FOXO1: variants seen among roughly 807,000 people sequenced by gnomAD.
FOXO1 encodes the protein forkhead box O1.
In FOXO1, 6 loss-of-function variants were observed where a neutral mutation model predicts 44.1. The observed-to-expected ratio is 0.14, with a 90% CI of 0.07 to 0.27. FOXO1 has a LOEUF of 0.27. FOXO1 is among the 10% of genes least tolerant of loss of function. The pLI, the probability that FOXO1 is intolerant of heterozygous loss-of-function variation, is 1.00. For missense variants in FOXO1, 737 were observed against 888.8 expected, an observed-to-expected ratio of 0.83 and a Z score of 2.17; for synonymous variants, 380 against 362.7, an observed-to-expected ratio of 1.05 and a Z score of -0.54.
At chr13:40,630,996 A>T (rs1167232059) in intron 1 of FOXO1, among the ~76,000 whole-genome samples, 1 of 152,206 alleles carries the variant, frequency 6.6e-6, no homozygotes, top group Admixed American at 6.5e-5. Context: ...TCCACCTAAC[A>T]TAAATTATGT....
At chr13:40,645,190 G>A (rs1343147986) in intron 1 of FOXO1, among the ~76,000 whole-genome samples, 2 of 152,196 alleles carry the variant, frequency 1.3e-5, no homozygotes, top group African/African-American at 2.4e-5. Context: ...TTGGGTAGGT[G>A]CAGTTTCAGT....
chr13:40,655,640 T>C (rs1012606715), intron 1 of FOXO1, among the ~76,000 whole-genome samples: 6 of 141,976 alleles, frequency 4.2e-5, no homozygotes, highest in Non-Finnish European at 7.7e-5. Context: ...TACACTTCTT[T>C]TTTTTTTTTT....
chr13:40,637,714 T>C (rs576673713), intron 1 of FOXO1, among the ~76,000 whole-genome samples: 34 of 152,334 alleles, frequency 2.2e-4, no homozygotes, highest in Admixed American at 6.5e-4. Flanking sequence ...ACTATTTACA[T>C]TCTTCACACG....
intron 1 of FOXO1, among the ~76,000 whole-genome samples, chr13:40,605,110 A>G (rs762617256): frequency 8.6e-4 from 131 of 151,824 alleles, no homozygotes; most frequent in African/African-American, 2.9e-3. Context: ...GATATATATA[A>G]AATACATATA....
intron 1 of FOXO1, among the ~76,000 whole-genome samples, chr13:40,584,469 CAAAAAAAA>C (rs55733141): frequency 4.8e-5 from 3 of 63,112 alleles, no homozygotes; most frequent in East Asian, 6.6e-4. Flanking sequence ...ACAAAAAATG[CAAAAAAAA>C]AAAAAAAAAA....
At chr13:40,617,028 G>C (rs1036122755) in intron 1 of FOXO1, among the ~76,000 whole-genome samples, 1 of 152,172 alleles carries the variant, frequency 6.6e-6, no homozygotes, top group Non-Finnish European at 1.5e-5. Context: ...CAAGTCACTC[G>C]AAATAGAAAT....
chr13:40,651,272 G>A lies in FOXO1; in HGVS notation c.630+14311C>T, dbSNP rs182601634. The stretch of plus-strand genomic sequence containing the variant: ...TCTGCTTCCTTTTTATAAAAAGTAC[G>A]TTCTAGGTACAGTTCAGAACACTGA... On this transcript the variant is annotated intron_variant, in intron 1 of 2. Transcript: ENST00000379561. 6.6e-3 allele frequency among the ~76,000 whole-genome samples: 999 copies of A among 152,078 alleles called. 15 individuals are homozygous for A. Among genetic ancestry groups the A allele is most frequent in the Admixed American group, 0.015 (231 of 15,262 alleles).
At chr13:40,637,847 T>C (rs1043996472) in intron 1 of FOXO1, among the ~76,000 whole-genome samples, 3 of 152,214 alleles carry the variant, frequency 2.0e-5, no homozygotes, top group Admixed American at 1.3e-4. Flanking sequence ...CTATACTGAC[T>C]TCCTCAGCAA....
At chr13:40,643,735 A>C (rs1425240078) in intron 1 of FOXO1, among the ~76,000 whole-genome samples, 1 of 150,866 alleles carries the variant, frequency 6.6e-6, no homozygotes, top group Non-Finnish European at 1.5e-5. Context: ...CCGTAATTTA[A>C]AAAAAAAAGA....
rs920623940 is a variant in FOXO1 at position 40,559,580 on chromosome 13, G to A, written c.1911C>T (p.Pro637=). ...TGACACTGTGTGGGAAGCTTTGGTT[G>A]GGCAACACATTGTCAAAGTTAAAAT... The part of the protein sequence containing the change: ...TLDFNFDNVL[P]NQSFPHSVKT... The change falls in exon 2 of 3, where the codon CCC becomes CCT. Residue 637 remains proline (P), a synonymous_variant. Transcript: ENST00000379561. 4 of 1,613,216 alleles carry A rather than the reference G, an allele frequency of 2.5e-6. No homozygotes were observed. Among genetic ancestry groups the A allele is most frequent in the African/African-American group, 1.3e-5 (1 of 74,920 alleles).
intron 1 of FOXO1, among the ~76,000 whole-genome samples, chr13:40,615,265 AG>A (rs1876380592): frequency 6.6e-6 from 1 of 152,162 alleles, no homozygotes; most frequent in Non-Finnish European, 1.5e-5. Context: ...GGCCAGACGC[AG>A]TGGCTCACGC....
At chr13:40,660,621 G>A (rs555646573) in intron 1 of FOXO1, among the ~76,000 whole-genome samples, 17 of 152,234 alleles carry the variant, frequency 1.1e-4, no homozygotes, top group Non-Finnish European at 2.4e-4. Context: ...ATTTCGTATC[G>A]CCTCGGAGAA....
chr13:40,619,690 A>G, intron 1 of FOXO1: 1 of 1,338,808 alleles, frequency 7.5e-7, no homozygotes, highest in Admixed American at 1.7e-5. Context: ...TCTAAGGACT[A>G]GGCTTGCTTC....
At chr13:40,664,899 C>T in intron 1 of FOXO1, among the ~76,000 whole-genome samples, 1 of 151,900 alleles carries the variant, frequency 6.6e-6, no homozygotes, top group East Asian at 1.9e-4. Flanking sequence ...CAGGCGCCGG[C>T]GCTCCGCAGG....
At chr13:40,573,608 AATC>A (rs1485199003) in intron 1 of FOXO1, among the ~76,000 whole-genome samples, 1 of 152,258 alleles carries the variant, frequency 6.6e-6, no homozygotes, top group Non-Finnish European at 1.5e-5. Context: ...CTGCAGTTCG[AATC>A]ATGTCTTTTT....
At chr13:40,644,055 C>G (rs142650116) in intron 1 of FOXO1, among the ~76,000 whole-genome samples, 4 of 152,280 alleles carry the variant, frequency 2.6e-5, no homozygotes, top group African/African-American at 9.6e-5. Flanking sequence ...AGAGCAAATG[C>G]TAGAGGGAAT....
In FOXO1 at chr13:40,621,302, G is replaced by T. The variant is rs370163584; in HGVS notation, c.630+44281C>A. 391 of 719,164 alleles carry T rather than the reference G, an allele frequency of 5.4e-4. 7 individuals carry two copies. The South Asian group carries it at 7.3e-3, about 13-fold the overall frequency. The allele number at this position is 719,164 out of a possible 1,614,324, so 44.5% of individuals were successfully genotyped here. ...GGCTCTCAGAGAATTTCACTTGTCC[G>T]ATCTGTCAGCAGCCTGTTTTAGGGT... On this transcript the variant is annotated intron_variant, in intron 1 of 2. Transcript: ENST00000379561.
chr13:40,619,549 T>G, intron 1 of FOXO1: 6 of 1,394,570 alleles, frequency 4.3e-6, no homozygotes, highest in Non-Finnish European at 6.1e-6. Flanking sequence ...TCATGGAGAT[T>G]ATACAAACAT....
In FOXO1 at chr13:40,560,643, C is replaced by A. The variant is rs756787506; in HGVS notation, c.848G>T (p.Gly283Val). ...KKASLQSGQE[G>V]AGDSPGSQFS... ...CTGTGATCCAGGGCTGTCCCCAGCA[C>A]CCTCCTGGCCAGACTGGAGAGATGC... Residue 283 changes from glycine (G) to valine (V), a missense_variant, in exon 2 of 3, where the codon GGT becomes GTT. Transcript: ENST00000379561. The surrounding 1 kb of genome is among the most constrained non-coding windows in gnomAD (Gnocchi z 5.1). 25 of 1,614,182 alleles carry A rather than the reference C, an allele frequency of 1.5e-5. No individual in the cohort carries two copies. Among genetic ancestry groups the A allele is most frequent in the Non-Finnish European group, 1.9e-5 (23 of 1,180,026 alleles).
Sources: allele counts gnomAD v4.1 joint callset (sites outside exome capture counted in the v4.1 genomes callset), GRCh38; gene constraint gnomAD v4.1.1; non-coding constraint Gnocchi (gnomAD v3.1); transcripts MANE v1.5; gene names NCBI Gene and HGNC (gene_info 2026-07-23, HGNC 2026-07-21).